Variants in ZNF423 observed in about 807,000 individuals in gnomAD.
The protein encoded by ZNF423 is Ebf-associated zinc finger protein.
In ZNF423, 12 loss-of-function variants were observed where a neutral mutation model predicts 95.8. The ratio of observed to expected loss-of-function variants is 0.13; its 90% confidence interval spans 0.08 to 0.20. ZNF423 has a LOEUF of 0.20. ZNF423 is among the 10% of genes least tolerant of loss of function. The pLI, the probability that ZNF423 is intolerant of heterozygous loss-of-function variation, is 1.00. For synonymous variants in ZNF423, 749 were observed against 711.9 expected (o/e 1.05, Z -0.83); for missense variants, 1,316 against 1,737.1 (o/e 0.76, Z 4.31).
intron 5 of ZNF423, among the ~76,000 whole-genome samples, chr16:49,595,571 C>T (rs2151823167): frequency 6.6e-6 from 1 of 152,292 alleles, no homozygotes; most frequent in South Asian, 2.1e-4. Context: ...GTACCTGCAT[C>T]CAATGATAGG....
At chr16:49,827,809 T>TG (rs2035021874) in intron 1 of ZNF423, among the ~76,000 whole-genome samples, 1 of 152,156 alleles carries the variant, frequency 6.6e-6, no homozygotes, top group African/African-American at 2.4e-5. Flanking sequence ...TTTTTTTCAG[T>TG]GGGGGTAGAG....
intron 1 of ZNF423, among the ~76,000 whole-genome samples, chr16:49,842,825 A>G (rs755287505): frequency 1.1e-4 from 16 of 152,004 alleles, no homozygotes; most frequent in Non-Finnish European, 2.2e-4. Context: ...AATAAAAATA[A>G]AAAATTAGCC....
intron 1 of ZNF423, among the ~76,000 whole-genome samples, chr16:49,837,401 G>A (rs2035132417): frequency 6.6e-6 from 1 of 152,184 alleles, no homozygotes; most frequent in African/African-American, 2.4e-5. Context: ...AAACTTGGAG[G>A]TGCCTGTGAG....
At position 49,551,546 on chromosome 16, in the gene ZNF423, A is replaced by C. The variant is rs537386869; in HGVS notation, c.3602-26052T>G. ...GACACTCCCAGGAGGTCCCGAGGCC[A>C]AACTAGTAGCTCTGTCTCCTTGGCA... On this transcript the variant is annotated intron_variant, in intron 5 of 7. Transcript: ENST00000563137. Among the ~76,000 whole-genome samples the C allele has an allele frequency of 2.2e-4, 34 of 152,324 alleles. No individual in the cohort carries two copies. In the East Asian group the frequency reaches 6.6e-3, roughly 29 times the overall value.
chr16:49,794,786 C>T (rs183078322), intron 1 of ZNF423, among the ~76,000 whole-genome samples: 1 of 152,372 alleles, frequency 6.6e-6, no homozygotes, highest in African/African-American at 2.4e-5. Flanking sequence ...ATCTGCCTCC[C>T]TCACTAGGGC....
At chr16:49,853,421 C>T (rs960588116) in intron 1 of ZNF423, among the ~76,000 whole-genome samples, 5 of 152,170 alleles carry the variant, frequency 3.3e-5, no homozygotes, top group Non-Finnish European at 7.3e-5. Context: ...ACCCTCTTCA[C>T]CCCAGTAAAC....
intron 5 of ZNF423, among the ~76,000 whole-genome samples, chr16:49,597,904 G>T (rs1254662763): frequency 6.6e-6 from 1 of 152,112 alleles, no homozygotes; most frequent in Non-Finnish European, 1.5e-5. Flanking sequence ...AGTCAAAAAG[G>T]GCTGGAATAT....
chr16:49,506,140 G>A (rs1425177308), intron 7 of ZNF423, among the ~76,000 whole-genome samples: 1 of 152,220 alleles, frequency 6.6e-6, no homozygotes, highest in African/African-American at 2.4e-5. Flanking sequence ...GAAATTAAGA[G>A]CACACGAAGA....
chr16:49,740,241 G>T (rs2033386475), intron 2 of ZNF423, among the ~76,000 whole-genome samples: 1 of 152,122 alleles, frequency 6.6e-6, no homozygotes, highest in Non-Finnish European at 1.5e-5. Flanking sequence ...GTTCCCGAGG[G>T]CAAGATGCCT....
intron 4 of ZNF423, among the ~76,000 whole-genome samples, chr16:49,631,932 G>A (rs1340919358): frequency 6.6e-6 from 1 of 152,210 alleles, no homozygotes; most frequent in Non-Finnish European, 1.5e-5. Context: ...GATGCCCACT[G>A]TCTGAGCTGC....
intron 3 of ZNF423, among the ~76,000 whole-genome samples, chr16:49,716,246 C>T (rs1005019816): frequency 7.5e-4 from 114 of 152,134 alleles, no homozygotes; most frequent in Middle Eastern, 3.2e-3. Context: ...TCCCACAACA[C>T]ACCCCACCAA....
chr16:49,787,286 A>T lies in ZNF423; in HGVS notation c.100+2201T>A, dbSNP rs530656764. 5.3e-5 allele frequency among the ~76,000 whole-genome samples: 8 copies of T among 151,466 alleles called. No homozygotes were observed. The South Asian group carries it at 1.1e-3, about 20-fold the overall frequency. On this transcript the variant is annotated intron_variant, in intron 2 of 7. Coordinates refer to ENST00000563137, the MANE Select transcript of ZNF423 (RefSeq NM_001379286.1). ...TTACACATGCACAGCACAAACTATT[A>T]AAAAAAAGAAAAAAAAAGAAAAAAC...
At chr16:49,628,430 C>T (rs1427056874) in intron 4 of ZNF423, among the ~76,000 whole-genome samples, 3 of 152,062 alleles carry the variant, frequency 2.0e-5, no homozygotes, top group African/African-American at 7.2e-5. Context: ...ACGCATACAC[C>T]CACCCATCCA....
At chr16:49,698,679 G>C (rs899625354) in intron 3 of ZNF423, among the ~76,000 whole-genome samples, 1 of 152,114 alleles carries the variant, frequency 6.6e-6, no homozygotes, top group Non-Finnish European at 1.5e-5. Context: ...ACATTCCCCA[G>C]GAAGCCAGCT....
intron 2 of ZNF423, among the ~76,000 whole-genome samples, chr16:49,751,878 C>T (rs1395029524): frequency 6.6e-6 from 1 of 152,170 alleles, no homozygotes; most frequent in Non-Finnish European, 1.5e-5. Context: ...TGTTTTTCTT[C>T]CTTCCAAGGC....
chr16:49,716,105 C>T (rs1216575922), intron 3 of ZNF423, among the ~76,000 whole-genome samples: 1 of 151,980 alleles, frequency 6.6e-6, no homozygotes, highest in Non-Finnish European at 1.5e-5. Flanking sequence ...TGCAAGCTGT[C>T]CTGAGGACAG....
chr16:49,806,099 G>A (rs1289775264), intron 1 of ZNF423, among the ~76,000 whole-genome samples: 2 of 152,264 alleles, frequency 1.3e-5, no homozygotes, highest in Non-Finnish European at 2.9e-5. Flanking sequence ...AACCAGAAAC[G>A]TGCAGCATAT....
intron 1 of ZNF423, among the ~76,000 whole-genome samples, chr16:49,790,755 T>C (rs2034399596): frequency 6.6e-6 from 1 of 152,198 alleles, no homozygotes; most frequent in Admixed American, 6.5e-5. Context: ...CCTGAGCAAA[T>C]GATCTAACCT....
intron 5 of ZNF423, among the ~76,000 whole-genome samples, chr16:49,605,618 G>T (rs1971512952): frequency 6.6e-6 from 1 of 152,144 alleles, no homozygotes; most frequent in Non-Finnish European, 1.5e-5. Context: ...TCCCTCGGGA[G>T]AATTAAAATA....
Sources: allele counts gnomAD v4.1 joint callset (sites outside exome capture counted in the v4.1 genomes callset), GRCh38; gene constraint gnomAD v4.1.1; transcripts MANE v1.5; gene names NCBI Gene and HGNC (gene_info 2026-07-23, HGNC 2026-07-21).